RIMS1: variants seen among roughly 807,000 people sequenced by gnomAD.
The protein encoded by RIMS1 is regulating synaptic membrane exocytosis protein 1.
Under a neutral mutation model 214.1 loss-of-function variants are expected in RIMS1, and 83 were observed. The observed-to-expected ratio is 0.39, with a 90% CI of 0.32 to 0.47. The LOEUF is 0.47. Ranked by LOEUF, RIMS1 falls within the 20% of genes least tolerant of loss-of-function variation. RIMS1 has a pLI of 0.99. For missense variants in RIMS1, 2,050 were observed against 2,161.8 expected, an observed-to-expected ratio of 0.95 and a Z score of 1.03; for synonymous variants, 793 against 786.8, an observed-to-expected ratio of 1.01 and a Z score of -0.13.
intron 1 of RIMS1, among the ~76,000 whole-genome samples, chr6:71,925,112 G>A (rs1365064261): frequency 6.6e-6 from 1 of 152,112 alleles, no homozygotes; most frequent in East Asian, 1.9e-4. Flanking sequence ...CAATGATAAT[G>A]GGTTAATGAG....
chr6:71,972,880 G>A (rs1796210382), intron 2 of RIMS1, among the ~76,000 whole-genome samples: 2 of 152,108 alleles, frequency 1.3e-5, no homozygotes, highest in African/African-American at 4.8e-5. Context: ...TGTGGTCAGG[G>A]AAGGATTTAC....
chr6:72,339,693 A>C (rs1305368869), intron 29 of RIMS1, among the ~76,000 whole-genome samples: 1 of 152,036 alleles, frequency 6.6e-6, no homozygotes, highest in Non-Finnish European at 1.5e-5. Context: ...ATTGTTGGAC[A>C]TTTGGGTTGG....
At chr6:71,944,461 T>C (rs1346618268) in intron 1 of RIMS1, among the ~76,000 whole-genome samples, 3 of 152,130 alleles carry the variant, frequency 2.0e-5, no homozygotes, top group African/African-American at 7.2e-5. Flanking sequence ...GAAGCTTTGC[T>C]TAACTCTGAT....
chr6:72,046,330 T>C (rs972005887), intron 2 of RIMS1, among the ~76,000 whole-genome samples: 9 of 152,018 alleles, frequency 5.9e-5, no homozygotes, highest in African/African-American at 2.2e-4. Context: ...GTAGAGATTT[T>C]ATTGTTGGGG....
At chr6:72,054,134 G>T (rs571032280) in intron 2 of RIMS1, among the ~76,000 whole-genome samples, 2 of 151,206 alleles carry the variant, frequency 1.3e-5, no homozygotes, top group South Asian at 4.2e-4. Flanking sequence ...TTGTCCATTC[G>T]TTCTCATTGT....
intron 11 of RIMS1, among the ~76,000 whole-genome samples, chr6:72,247,535 C>CAAAA (rs10717559): frequency 2.9e-5 from 3 of 104,012 alleles, no homozygotes; most frequent in African/African-American, 3.9e-5. Flanking sequence ...AACTCTGTCT[C>CAAAA]AAAAAAAAAA....
intron 2 of RIMS1, among the ~76,000 whole-genome samples, chr6:72,067,949 A>G (rs1037296572): frequency 7.9e-5 from 12 of 152,232 alleles, no homozygotes; most frequent in African/African-American, 2.7e-4. Flanking sequence ...GAGCTTAGAA[A>G]GATGGATAAC....
intron 4 of RIMS1, among the ~76,000 whole-genome samples, chr6:72,111,970 A>G (rs916371836): frequency 1.3e-5 from 2 of 152,202 alleles, no homozygotes; most frequent in African/African-American, 4.8e-5. Flanking sequence ...ACCACCAAAG[A>G]GGCTTCAGCC....
chr6:72,220,105 G>T (rs985599783), intron 6 of RIMS1, among the ~76,000 whole-genome samples: 1 of 152,024 alleles, frequency 6.6e-6, no homozygotes, highest in Non-Finnish European at 1.5e-5. Context: ...TCTGAGTATG[G>T]TTTTTTGATT....
intron 1 of RIMS1, among the ~76,000 whole-genome samples, chr6:71,929,580 A>C (rs1261216086): frequency 1.3e-5 from 2 of 152,094 alleles, no homozygotes; most frequent in Non-Finnish European, 2.9e-5. Context: ...GCAGGAAACT[A>C]TTCAAAGAGG....
intron 1 of RIMS1, among the ~76,000 whole-genome samples, chr6:71,911,441 T>A (rs1194448573): frequency 6.6e-6 from 1 of 152,150 alleles, no homozygotes; most frequent in Non-Finnish European, 1.5e-5. Context: ...CTCATGCATA[T>A]GGTTAAATTC....
chr6:72,191,319 G>T (rs530323981), intron 6 of RIMS1, among the ~76,000 whole-genome samples: 31 of 152,208 alleles, frequency 2.0e-4, no homozygotes, highest in Non-Finnish European at 4.3e-4. Context: ...TCCTTAGAGG[G>T]AATATCTTGA....
At chr6:72,146,257 CTT>C (rs1234807941) in intron 4 of RIMS1, among the ~76,000 whole-genome samples, 1 of 152,178 alleles carries the variant, frequency 6.6e-6, no homozygotes, top group Non-Finnish European at 1.5e-5. Context: ...GGAGGGAAGA[CTT>C]AGCTTTCCAA....
In RIMS1 at chr6:72,259,030, C is replaced by G. The variant is rs1235542790; in HGVS notation, c.2972C>G (p.Thr991Ser). ...IHPTRRSRSP[T>S]RHHDASRSPV... Reference sequence around the variant, plus strand: ...CCAACAAGAAGGTCACGTTCTCCAACCAGACACCATGATGCCTCCCGAAGT... The same window carrying G: ...CCAACAAGAAGGTCACGTTCTCCAAGCAGACACCATGATGCCTCCCGAAGT... Residue 991 changes from threonine to serine, a missense_variant, in exon 18 of 34, where the codon ACC becomes AGC. Thr to Ser is a moderately conservative substitution (Grantham distance 58). Around this residue, in one of 6 missense-constraint regions of RIMS1, gnomAD observed 889 missense variants for 885.5 expected, o/e 1.00. Coordinates refer to ENST00000521978, the MANE Select transcript of RIMS1 (RefSeq NM_014989.7). 3 of 1,612,548 alleles carry G rather than the reference C, an allele frequency of 1.9e-6. No homozygotes were observed. The highest frequency in any genetic ancestry group is 1.7e-5 in the Admixed American group (1 of 59,972).
intron 6 of RIMS1, among the ~76,000 whole-genome samples, chr6:72,208,306 T>G (rs2053267694): frequency 1.3e-5 from 2 of 152,230 alleles, no homozygotes; most frequent in African/African-American, 4.8e-5. Flanking sequence ...CATTGTAATG[T>G]AGTCCCGCAT....
intron 2 of RIMS1, among the ~76,000 whole-genome samples, chr6:72,014,616 G>T (rs1048142618): frequency 7.2e-5 from 11 of 151,896 alleles, no homozygotes; most frequent in African/African-American, 2.2e-4. Context: ...AATTTTTTTT[G>T]ATGTATAAAT....
chr6:72,087,924 G>T (rs1835086977), intron 2 of RIMS1, among the ~76,000 whole-genome samples: 1 of 152,164 alleles, frequency 6.6e-6, no homozygotes, highest in Non-Finnish European at 1.5e-5. Flanking sequence ...AATTGTGTAA[G>T]CTGAACCAAT....
At chr6:72,052,745 G>A (rs373610298) in intron 2 of RIMS1, among the ~76,000 whole-genome samples, 45 of 152,230 alleles carry the variant, frequency 3.0e-4, no homozygotes, top group Middle Eastern at 3.4e-3. Flanking sequence ...TATTTTTTGC[G>A]TATGTGTTAT....
At chr6:72,179,524 T>G in intron 4 of RIMS1, 51 bp from the exon 5 acceptor site, 1 of 1,338,160 alleles carries the variant, frequency 7.5e-7, no homozygotes, top group Non-Finnish European at 1.0e-6. Flanking sequence ...TACTGAAAAA[T>G]TATTTCCAAG....
Sources: gnomAD v4.1 joint callset for allele counts (sites outside exome capture counted in the v4.1 genomes callset) on GRCh38, gnomAD v4.1.1 for gene constraint, gnomAD v4.1.1 regional missense constraint, MANE v1.5 for transcripts, NCBI Gene and HGNC (gene_info 2026-07-23, HGNC 2026-07-21) for gene names.